The following LILRB1 variants were observed in gnomAD, a reference collection of about 807,000 sequenced individuals.
LILRB1 encodes the protein leukocyte immunoglobulin like receptor B1.
LILRB1 carries 59 observed loss-of-function variants against 74.6 expected under a neutral mutation model. The observed-to-expected ratio is 0.79, with a 90% CI of 0.64 to 0.98. The LOEUF (loss-of-function observed/expected upper bound fraction) is 0.98, where lower values mean the gene tolerates loss of function less well. Among genes scored for constraint, LILRB1 ranks in the 50% least tolerant of loss-of-function variants. The pLI, the probability that LILRB1 is intolerant of heterozygous loss-of-function variation, is 0.00. For synonymous variants in LILRB1, 328 were observed against 333.9 expected (o/e 0.98, Z 0.19); for missense variants, 804 against 822.6 (o/e 0.98, Z 0.28).
chr19:54,618,292 T>C (rs565698061), intron 1 of LILRB1, among the ~76,000 whole-genome samples: 1 of 152,132 alleles, frequency 6.6e-6, no homozygotes, highest in Non-Finnish European at 1.5e-5. Flanking sequence ...ATTAATTGGC[T>C]TAAAGAGAAT....
intron 10 of LILRB1, 139 bp from the exon 11 acceptor site, chr19:54,634,965 G>T: frequency 2.8e-6 from 4 of 1,449,616 alleles, no homozygotes; most frequent in Non-Finnish European, 2.8e-6. Context: ...AGTGTCCTTC[G>T]GGCTCTGTCC....
At chr19:54,634,421 C>T in intron 9 of LILRB1, 3 of 1,522,952 alleles carry the variant, frequency 2.0e-6, no homozygotes, top group Non-Finnish European at 2.7e-6. Context: ...CCTGGGCTTC[C>T]TTCCCAGCTC....
rs1201636900 is a variant in LILRB1 at position 54,633,901 on chromosome 19, G to C, written c.1313-70G>C. The C allele has an allele frequency of 1.2e-5, 18 of 1,539,614 alleles. No individual in the cohort carries two copies. In the Middle Eastern group the frequency reaches 1.0e-3, roughly 87 times the overall value. On this transcript the variant is annotated intron_variant, in intron 8 of 14. Transcript: ENST00000324602. Reference sequence around the variant, plus strand: ...AGAGAGAAATGTTGGGGCCCAGCCTGGGGGAGGAGCAGCCGGGCTGATGTG... The same window carrying C: ...AGAGAGAAATGTTGGGGCCCAGCCTCGGGGAGGAGCAGCCGGGCTGATGTG...
intron 1 of LILRB1, among the ~76,000 whole-genome samples, chr19:54,619,033 TA>T (rs1220917380): frequency 6.6e-6 from 1 of 152,124 alleles, no homozygotes; most frequent in East Asian, 1.9e-4. Context: ...AAAACATTTT[TA>T]AAAAACAATT....
intron 1 of LILRB1, among the ~76,000 whole-genome samples, chr19:54,619,486 C>T (rs1372448196): frequency 1.3e-5 from 2 of 152,058 alleles, no homozygotes; most frequent in African/African-American, 2.4e-5. Flanking sequence ...TTAACTTATT[C>T]TTAATGCAAA....
At chr19:54,630,706 G>A in intron 1 of LILRB1, 73 bp downstream of exon 1, 6 of 774,598 alleles carry the variant, frequency 7.7e-6, no homozygotes, top group Non-Finnish European at 1.3e-5. Flanking sequence ...GCTGTGAGAA[G>A]GAAGGAGATG....
intron 1 of LILRB1, 38 bp from the exon 2 acceptor site, chr19:54,630,988 C>CTG: frequency 6.2e-7 from 1 of 1,614,014 alleles, no homozygotes; most frequent in Non-Finnish European, 8.5e-7. Flanking sequence ...ACCCAGCCTC[C>CTG]GATTGGCCAC....
At chr19:54,635,073 C>T in intron 10 of LILRB1, 31 bp from the exon 11 acceptor site, 1 of 1,432,718 alleles carries the variant, frequency 7.0e-7, no homozygotes, top group Admixed American at 2.2e-5. Context: ...CCAATGTTCC[C>T]AGGGCTGAGG....
rs1248902434 is a variant in LILRB1, at chr19:54,637,831, G to A, written c.*953G>A. The stretch of plus-strand genomic sequence containing the variant: ...CACACGTTTTCCAAAACTAACAATG[G>A]AACAGGCGGCAAACCTATGCCAATA... On this transcript the variant is annotated 3_prime_UTR_variant, in exon 15 of 15. Transcript: ENST00000324602. 6.6e-6 allele frequency among the ~76,000 whole-genome samples: 1 copy of A among 152,132 alleles called. No homozygotes were observed. The highest frequency in any genetic ancestry group is 6.5e-5 in the Admixed American group (1 of 15,286).
intron 1 of LILRB1, among the ~76,000 whole-genome samples, chr19:54,625,259 C>T (rs2063551313): frequency 6.7e-6 from 1 of 149,050 alleles, no homozygotes; most frequent in African/African-American, 2.4e-5. Flanking sequence ...AAGGAAGCCC[C>T]ATTTCGCAGG....
chr19:54,637,528 T>TAAAAAAAAAAAA lies in LILRB1; in HGVS notation c.*657_*668dup, dbSNP rs982853962. 3.8e-5 allele frequency: 3 copies of TAAAAAAAAAAAA among 78,552 alleles called. No homozygotes were observed. The highest frequency in any genetic ancestry group is 5.7e-5 in the Non-Finnish European group (2 of 35,206). 4.9% of individuals were successfully genotyped at this position (78,552 alleles called of 1,614,324 possible). On this transcript the variant is annotated 3_prime_UTR_variant, in exon 15 of 15. Coordinates refer to ENST00000324602, the MANE Select transcript of LILRB1 (RefSeq NM_001081637.3). ...GACAGAGGGAGACTCCATCTCAAAT[T>TAAAAAAAAAAAA]AAAAAAAAAAAAAAAAAAGAAAGAA...
At chr19:54,619,002 T>G (rs1412911301) in intron 1 of LILRB1, among the ~76,000 whole-genome samples, 1 of 152,136 alleles carries the variant, frequency 6.6e-6, no homozygotes, top group East Asian at 1.9e-4. Flanking sequence ...GCTGGGTAAT[T>G]TATAATTTAA....
rs2064295096 is a variant in LILRB1 at position 54,635,264 on chromosome 19, G to A, written c.1568G>A (p.Ser523Asn). 1 of 1,612,414 alleles carries A rather than the reference G, an allele frequency of 6.2e-7. No homozygotes were observed. Residue 523 changes from serine to asparagine, a missense_variant, in exon 12 of 15, where the codon AGC (serine) becomes AAC (asparagine). Physicochemically the swap from Ser to Asn is conservative, Grantham distance 46. Coordinates refer to ENST00000324602, the MANE Select transcript of LILRB1 (RefSeq NM_001081637.3). ...PTDRGLQWRS[S>N]PAADAQEENL... ...AGCTCCCATTCTTCCCCCAGGTCCA[G>A]CCCAGCTGCCGATGCCCAGGAAGAA...
chr19:54,633,565 A>T, intron 7 of LILRB1, 73 bp from the exon 8 acceptor site: 1 of 1,421,444 alleles, frequency 7.0e-7, no homozygotes, highest in Non-Finnish European at 9.6e-7. Context: ...GGTCCCATGT[A>T]GAGAAATTTG....
chr19:54,624,212 G>A (rs1406033702), intron 1 of LILRB1, among the ~76,000 whole-genome samples: 1 of 152,194 alleles, frequency 6.6e-6, no homozygotes, highest in Non-Finnish European at 1.5e-5. Context: ...TGATGGACAT[G>A]GCTGGAGCAG....
intron 8 of LILRB1, 45 bp from the exon 9 acceptor site, chr19:54,633,926 G>C (rs1182961607): frequency 1.3e-6 from 2 of 1,562,272 alleles, no homozygotes; most frequent in Admixed American, 1.9e-5. Context: ...GGGCTGATGT[G>C]GGGAGCAGGG....
Position 54,632,777 on chromosome 19 carries a change from G to T in LILRB1, c.958+17G>T, listed in dbSNP as rs749319608. 8.5e-5 allele frequency: 137 copies of T among 1,611,424 alleles called. No homozygotes were observed. The highest frequency in any genetic ancestry group is 1.1e-4 in the Non-Finnish European group (132 of 1,179,782). On this transcript the variant is annotated intron_variant, in intron 6 of 14. Coordinates refer to ENST00000324602, the MANE Select transcript of LILRB1 (RefSeq NM_001081637.3). The stretch of plus-strand genomic sequence containing the variant: ...TGATCGCAGGTGAGGAGCCCAGCGG[G>T]TTCAGTCAGGGACCCAGGCTCCGCA...
chr19:54,630,773 G>A, intron 1 of LILRB1, 140 bp downstream of exon 1: 1 of 737,906 alleles, frequency 1.4e-6, no homozygotes, highest in South Asian at 1.5e-5. Flanking sequence ...TTTATTTGCT[G>A]CTACATCCTG....
In LILRB1 at chr19:54,634,252, A is replaced by G. The variant is rs1026912854; in HGVS notation, c.1363+231A>G. 4.0e-6 allele frequency: 6 copies of G among 1,515,086 alleles called. No homozygotes were observed. The African/African-American group carries it at 6.9e-5, about 17-fold the overall frequency. The allele number at this position is 1,515,086 out of a possible 1,614,324, so 93.9% of individuals were successfully genotyped here. ...GAGGAGGCCTCCCAGGGAACCTCCC[A>G]GACCCGATTCCGCGGGGGCCTGTCC... On this transcript the variant is annotated intron_variant, in intron 9 of 14. Coordinates refer to ENST00000324602, the MANE Select transcript of LILRB1 (RefSeq NM_001081637.3).
Sources: allele counts gnomAD v4.1 joint callset (sites outside exome capture counted in the v4.1 genomes callset), GRCh38; gene constraint gnomAD v4.1.1; transcripts MANE v1.5; gene names NCBI Gene and HGNC (gene_info 2026-07-23, HGNC 2026-07-21).